LDLRAD3: variants seen among roughly 807,000 people sequenced by gnomAD.
LDLRAD3 encodes the protein low density lipoprotein receptor class A domain containing 3.
In LDLRAD3, 20 loss-of-function variants were observed where a neutral mutation model predicts 29.4. That is an observed-to-expected ratio of 0.68 (90% CI 0.48 to 0.99). The LOEUF (loss-of-function observed/expected upper bound fraction) is 0.99. LDLRAD3 is among the 50% of genes least tolerant of loss of function. The probability of loss-of-function intolerance (pLI) is 0.00; values close to 1 mark genes in which losing one functional copy is unlikely to be tolerated. For missense variants in LDLRAD3, 420 were observed against 454.3 expected (o/e 0.92, Z 0.69); for synonymous variants, 157 against 192.7 (o/e 0.81, Z 1.53).
Position 36,230,393 on chromosome 11 carries a change from CT to C in LDLRAD3, c.*1001del. Reference sequence around the variant, plus strand: ...AAGTTCCCTTAACACTTGCAAAGTCCTTTTTACCTGTGCATTTGGACTTGAG... The same window carrying C: ...AAGTTCCCTTAACACTTGCAAAGTCCTTTTACCTGTGCATTTGGACTTGAG... On this transcript the variant is annotated 3_prime_UTR_variant, in exon 6 of 6. Transcript: ENST00000315571. The C allele has an allele frequency of 6.5e-6, 1 of 152,838 alleles. No individual in the cohort carries two copies. The highest frequency in any genetic ancestry group is 1.5e-5 in the Non-Finnish European group (1 of 68,154). The allele number at this position is 152,838 out of a possible 1,614,324, so 9.5% of individuals were successfully genotyped here. A position where few individuals can be genotyped will look rare whatever the true frequency, so the allele number is the denominator to read the frequency against.
chr11:36,124,724 C>T (rs1853811140), intron 4 of LDLRAD3, among the ~76,000 whole-genome samples: 7 of 150,688 alleles, frequency 4.6e-5, no homozygotes, highest in Non-Finnish European at 8.9e-5. Flanking sequence ...CAGAGTCTCA[C>T]TCTGTCGCCC....
At position 35,944,170 on chromosome 11, in the gene LDLRAD3, T is replaced by A. The variant is rs1851024096; in HGVS notation, c.46+26T>A. The A allele has an allele frequency of 1.0e-6, 1 of 1,001,550 alleles. No individual in the cohort carries two copies. Among genetic ancestry groups the A allele is most frequent in the Non-Finnish European group, 1.2e-6 (1 of 841,892 alleles). 62.0% of individuals were successfully genotyped at this position (1,001,550 alleles called of 1,614,324 possible). A position where few individuals can be genotyped will look rare whatever the true frequency, so the allele number is the denominator to read the frequency against. ...GTGAGTCGGGGGGCGGCCGGCGAAC[T>A]TCCCGCGGGGCGCGGGGCGCGGGGC... On this transcript the variant is annotated intron_variant, in intron 1 of 5. Transcript: ENST00000315571. This position sits in a 1 kb window ranked among gnomAD's most constrained non-coding sequence, Gnocchi z 4.9.
chr11:36,212,759 TG>T (rs1447181902), intron 4 of LDLRAD3, among the ~76,000 whole-genome samples: 1 of 152,116 alleles, frequency 6.6e-6, no homozygotes, highest in Non-Finnish European at 1.5e-5. Flanking sequence ...CAAAGAGCTC[TG>T]GGACTGCTGG....
intron 1 of LDLRAD3, among the ~76,000 whole-genome samples, chr11:35,951,727 C>T (rs566823897): frequency 6.6e-6 from 1 of 152,324 alleles, no homozygotes; most frequent in Admixed American, 6.5e-5. Context: ...CATTTCAATG[C>T]CACATTTTAA....
intron 1 of LDLRAD3, among the ~76,000 whole-genome samples, chr11:36,002,547 G>C (rs115627311): frequency 6.6e-6 from 1 of 152,104 alleles, no homozygotes; most frequent in African/African-American, 2.4e-5. Context: ...ATCATCTCCC[G>C]GTGCTTTTTC....
At chr11:36,172,669 A>G (rs976422025) in intron 4 of LDLRAD3, among the ~76,000 whole-genome samples, 8 of 152,146 alleles carry the variant, frequency 5.3e-5, no homozygotes, top group Admixed American at 4.6e-4. Context: ...CATCCCTGGT[A>G]TGAAACTCAC....
At chr11:35,997,065 A>T (rs1447470882) in intron 1 of LDLRAD3, among the ~76,000 whole-genome samples, 1 of 152,190 alleles carries the variant, frequency 6.6e-6, no homozygotes. Context: ...AAAGTAATAC[A>T]CATACAGCAC....
At position 35,959,720 on chromosome 11, in the gene LDLRAD3, G is replaced by A. The variant is rs556243980; in HGVS notation, c.46+15576G>A. Among the ~76,000 whole-genome samples, 25 of 152,074 alleles carry A rather than the reference G, an allele frequency of 1.6e-4. No individual in the cohort carries two copies. The South Asian group carries it at 5.2e-3, about 32-fold the overall frequency. On this transcript the variant is annotated intron_variant, in intron 1 of 5. Transcript: ENST00000315571. ...GTGGATCACTTGAGGCCAGGAGTTCGCGACCAGCCTGGCTCACATGGTGAA... is the reference window on the plus strand; with the variant it reads ...GTGGATCACTTGAGGCCAGGAGTTCACGACCAGCCTGGCTCACATGGTGAA...
At chr11:36,009,901 T>C (rs1487222405) in intron 1 of LDLRAD3, among the ~76,000 whole-genome samples, 1 of 152,220 alleles carries the variant, frequency 6.6e-6, no homozygotes, top group African/African-American at 2.4e-5. Flanking sequence ...TTTGTATACA[T>C]AGCCACTCAT....
At chr11:36,161,300 A>C (rs1400813268) in intron 4 of LDLRAD3, among the ~76,000 whole-genome samples, 2 of 152,198 alleles carry the variant, frequency 1.3e-5, no homozygotes, top group Admixed American at 6.5e-5. Flanking sequence ...TATGGCATCT[A>C]TAATACTATC....
intron 1 of LDLRAD3, among the ~76,000 whole-genome samples, chr11:35,977,794 G>T (rs1565137746): frequency 6.6e-6 from 1 of 152,156 alleles, no homozygotes; most frequent in Non-Finnish European, 1.5e-5. Flanking sequence ...CATGGTGGGA[G>T]GGGAAAAAGG....
At position 35,978,297 on chromosome 11, in the gene LDLRAD3, C is replaced by G. The variant is rs112855093; in HGVS notation, c.46+34153C>G. Among the ~76,000 whole-genome samples, 948 of 152,314 alleles carry G rather than the reference C, an allele frequency of 6.2e-3. 23 individuals carry two copies. The highest frequency in any genetic ancestry group is 0.022 in the African/African-American group (914 of 41,566). On this transcript the variant is annotated intron_variant, in intron 1 of 5. Transcript: ENST00000315571. ...CTGTAGTCGTTTGTGAATGGAATCC[C>G]TGCCTGTCTCCAGCCTCACACTCAC...
At chr11:36,151,285 CTTACTACACAATACACAG>C (rs1854274828) in intron 4 of LDLRAD3, among the ~76,000 whole-genome samples, 1 of 152,106 alleles carries the variant, frequency 6.6e-6, no homozygotes, top group Non-Finnish European at 1.5e-5. Flanking sequence ...GTATTGAGCA[CTTACTACACAATACACAG>C]TATTGTGTAG....
intron 1 of LDLRAD3, chr11:35,967,252 G>T: frequency 4.9e-6 from 1 of 204,128 alleles, no homozygotes; most frequent in East Asian, 1.2e-4. Flanking sequence ...GGGAGGGCCA[G>T]GGCCAATTTC....
chr11:36,044,683 G>A (rs988721072), intron 2 of LDLRAD3, among the ~76,000 whole-genome samples: 12 of 152,180 alleles, frequency 7.9e-5, no homozygotes, highest in African/African-American at 1.2e-4. Flanking sequence ...GAGCTCCAGG[G>A]AGCCAGCCAG....
intron 2 of LDLRAD3, among the ~76,000 whole-genome samples, chr11:36,059,809 A>C (rs1176692283): frequency 6.6e-6 from 1 of 152,110 alleles, no homozygotes; most frequent in East Asian, 1.9e-4. Flanking sequence ...TCCCCTGACT[A>C]GAGCACCATT....
intron 1 of LDLRAD3, among the ~76,000 whole-genome samples, chr11:35,961,249 C>T (rs1851274497): frequency 6.6e-6 from 1 of 152,218 alleles, no homozygotes; most frequent in South Asian, 2.1e-4. Context: ...ACCATTCATC[C>T]AGGGTGCACT....
intron 2 of LDLRAD3, among the ~76,000 whole-genome samples, chr11:36,044,936 C>G (rs1433702317): frequency 6.6e-6 from 1 of 152,254 alleles, no homozygotes; most frequent in Non-Finnish European, 1.5e-5. Context: ...TATTTTGCTT[C>G]AGCGCTCAGG....
chr11:35,984,726 G>A (rs1385878661), intron 1 of LDLRAD3, among the ~76,000 whole-genome samples: 1 of 152,178 alleles, frequency 6.6e-6, no homozygotes, highest in African/African-American at 2.4e-5. Context: ...CCGCCTTCCG[G>A]GGTCAAGCGA....
Sources: gnomAD v4.1 joint callset for allele counts (sites outside exome capture counted in the v4.1 genomes callset) on GRCh38, gnomAD v4.1.1 for gene constraint, Gnocchi (gnomAD v3.1) non-coding constraint, MANE v1.5 for transcripts, NCBI Gene and HGNC (gene_info 2026-07-23, HGNC 2026-07-21) for gene names.